The following IPO9 variants were observed in gnomAD, a reference collection of about 807,000 sequenced individuals.
The protein encoded by IPO9 is importin-9.
In IPO9, 28 loss-of-function variants were observed where a neutral mutation model predicts 128.6. The ratio of observed to expected loss-of-function variants is 0.22; its 90% confidence interval spans 0.16 to 0.30. IPO9 has a LOEUF of 0.30. Ranked by LOEUF, IPO9 falls within the 10% of genes least tolerant of loss-of-function variation. The pLI is 1.00. For missense variants in IPO9, 935 were observed against 1,293.9 expected, an observed-to-expected ratio of 0.72 and a Z score of 4.26; for synonymous variants, 455 against 475.8, an observed-to-expected ratio of 0.96 and a Z score of 0.57.
At chr1:201,830,892 C>G (rs935143492) in intron 1 of IPO9, among the ~76,000 whole-genome samples, 2 of 152,214 alleles carry the variant, frequency 1.3e-5, no homozygotes, top group Admixed American at 6.5e-5. Flanking sequence ...CTTACAACAA[C>G]TCCACTTTTG....
intron 14 of IPO9, 88 bp downstream of exon 14, chr1:201,863,695 T>A: frequency 8.1e-7 from 1 of 1,230,524 alleles, no homozygotes; most frequent in East Asian, 2.4e-5. Context: ...ATTATGTTGC[T>A]TGGAAATCCC....
At chr1:201,835,755 C>T (rs1270992691) in intron 1 of IPO9, among the ~76,000 whole-genome samples, 1 of 152,158 alleles carries the variant, frequency 6.6e-6, no homozygotes, top group Non-Finnish European at 1.5e-5. Flanking sequence ...ATTTTCCCTG[C>T]CTTCATCATC....
chr1:201,869,674 G>A lies in IPO9; in HGVS notation c.2089G>A (p.Val697Met). Residue 697 changes from valine to methionine, a missense_variant, in exon 17 of 24, where the codon GTG (valine) becomes ATG (methionine). Around this residue, in one of 3 missense-constraint regions of IPO9, gnomAD observed 741 missense variants for 1,019.1 expected, o/e 0.73. Transcript: ENST00000361565. ...QLLICQAFPA[V>M]AQCTLHTDDN... is the part of the protein sequence containing the mutation. Reference sequence around the variant, plus strand: ...TCTCATCTGCCAAGCTTTCCCTGCTGTGGCACAGTGTACCCTTCACACAGA... The same window carrying A: ...TCTCATCTGCCAAGCTTTCCCTGCTATGGCACAGTGTACCCTTCACACAGA... 1 of 1,614,184 alleles carries A rather than the reference G, an allele frequency of 6.2e-7. No homozygotes were observed. Among genetic ancestry groups the A allele is most frequent in the Non-Finnish European group, 8.5e-7 (1 of 1,180,022 alleles).
At chr1:201,858,667 CA>C in intron 12 of IPO9, 114 bp downstream of exon 12, 1 of 823,428 alleles carries the variant, frequency 1.2e-6, no homozygotes, top group East Asian at 2.8e-5. Flanking sequence ...AATTTAATAA[CA>C]GATTTTAATC....
intron 1 of IPO9, among the ~76,000 whole-genome samples, chr1:201,843,445 AG>A (rs2102872107): frequency 6.6e-6 from 1 of 152,364 alleles, no homozygotes; most frequent in Admixed American, 6.5e-5. Context: ...GACAGAAAGA[AG>A]TATCTTGTAA....
chr1:201,829,165 G>A lies in IPO9; in HGVS notation c.-45G>A. The stretch of plus-strand genomic sequence containing the variant: ...GGCCGCGCGCGGGGGCCGTCATTCG[G>A]TGGCGGGTCCCGGCCGCGGGGCTGG... On this transcript the variant is annotated 5_prime_UTR_variant, in exon 1 of 24. It adds an upstream start codon to the 5' untranslated region. Transcript: ENST00000361565. 3 of 1,423,254 alleles carry A rather than the reference G, an allele frequency of 2.1e-6. No homozygotes were observed. The highest frequency in any genetic ancestry group is 1.5e-5 in the African/African-American group (1 of 67,000). The allele number at this position is 1,423,254 out of a possible 1,614,324, so 88.2% of individuals were successfully genotyped here. A position where few individuals can be genotyped will look rare whatever the true frequency, so the allele number is the denominator to read the frequency against.
In IPO9 at chr1:201,881,374, G is replaced by A. The variant is rs1174589135; in HGVS notation, c.*5320G>A. 1 of 152,242 alleles carries A rather than the reference G, an allele frequency of 6.6e-6. No individual in the cohort carries two copies. The highest frequency in any genetic ancestry group is 1.5e-5 in the Non-Finnish European group (1 of 68,046). The allele number at this position is 152,242 out of a possible 1,614,324, so 9.4% of individuals were successfully genotyped here. On this transcript the variant is annotated 3_prime_UTR_variant, in exon 24 of 24. Coordinates refer to ENST00000361565, the MANE Select transcript of IPO9 (RefSeq NM_018085.5). Reference sequence around the variant, plus strand: ...ACCTATCAAAGGTCACCCTGCAAGTGTGTGATTATAGTCCAAGCAGCTTGT... The same window carrying A: ...ACCTATCAAAGGTCACCCTGCAAGTATGTGATTATAGTCCAAGCAGCTTGT...
rs778521485 is a variant in IPO9, at chr1:201,875,212, A to G, written c.2999A>G (p.Tyr1000Cys). ...DDPDALKDPL[Y>C]QIDLQAYLTD... is the part of the protein sequence containing the mutation. ...CCTGATGCCCTGAAGGATCCTCTCT[A>G]TCAGATTGATCTGCAGGTGAGGGTG... The change falls in exon 23 of 24, where the codon TAT (tyrosine) becomes TGT (cysteine). Residue 1000 changes from tyrosine to cysteine, a missense_variant. This residue lies in a region of IPO9 where 188 missense variants were observed against 246.7 expected (regional missense o/e 0.76). Coordinates refer to ENST00000361565, the MANE Select transcript of IPO9 (RefSeq NM_018085.5). The G allele has an allele frequency of 1.2e-6, 2 of 1,613,838 alleles. No individual in the cohort carries two copies. Among genetic ancestry groups the G allele is most frequent in the South Asian group, 1.1e-5 (1 of 91,082 alleles).
Position 201,878,210 on chromosome 1 carries a change from T to A in IPO9, c.*2156T>A, listed in dbSNP as rs988531162. On this transcript the variant is annotated 3_prime_UTR_variant, in exon 24 of 24. Transcript: ENST00000361565. ...GGAGTTGCTGATACTGGGGAAATGA[T>A]GGCAGATCTGACCAAGTGGTGCTGA... 1 of 152,318 alleles carries A rather than the reference T, an allele frequency of 6.6e-6. No individual in the cohort carries two copies. Among genetic ancestry groups the A allele is most frequent in the Non-Finnish European group, 1.5e-5 (1 of 68,118 alleles). 9.4% of individuals were successfully genotyped at this position (152,318 alleles called of 1,614,324 possible).
chr1:201,873,022 G>GTGAA (rs1262773843), intron 20 of IPO9, 61 bp downstream of exon 20: 35 of 1,524,492 alleles, frequency 2.3e-5, no homozygotes, highest in Non-Finnish European at 3.0e-5. Context: ...GGATACCTGG[G>GTGAA]TGAAGGGAAG....
intron 6 of IPO9, among the ~76,000 whole-genome samples, chr1:201,853,444 G>A (rs939613891): frequency 6.6e-6 from 1 of 152,108 alleles, no homozygotes. Flanking sequence ...TATTGCCCAG[G>A]CTGGTCTTGA....
At chr1:201,829,662 G>A (rs1679793369) in intron 1 of IPO9, 2 of 298,746 alleles carry the variant, frequency 6.7e-6, no homozygotes, top group South Asian at 1.4e-4. Context: ...GATGGAGCTA[G>A]ACTTGGTGCT....
intron 1 of IPO9, among the ~76,000 whole-genome samples, chr1:201,846,453 A>C (rs946848457): frequency 6.6e-6 from 1 of 152,182 alleles, no homozygotes; most frequent in Non-Finnish European, 1.5e-5. Context: ...GCTCACTGCA[A>C]CCTCTGCCTC....
chr1:201,847,705 A>G (rs1341949684), intron 3 of IPO9, 67 bp downstream of exon 3: 1 of 1,122,868 alleles, frequency 8.9e-7, no homozygotes, highest in Non-Finnish European at 1.4e-6. Flanking sequence ...ATTAGACTAT[A>G]ACATTCTTTG....
chr1:201,863,669 C>G, intron 14 of IPO9, 62 bp downstream of exon 14: 1 of 1,415,250 alleles, frequency 7.1e-7, no homozygotes, highest in Admixed American at 1.8e-5. Context: ...TATAACAAAT[C>G]ACAGTTTTCC....
At position 201,858,866 on chromosome 1, in the gene IPO9, A is replaced by C; in HGVS notation, c.1340A>C (p.His447Pro). ...NSGTEHWWKI[H>P]EACMLALGSV... ...GTATCCTTTCACAGGTGGAAGATCC[A>C]TGAGGCATGCATGCTTGCCCTAGGC... The change falls in exon 13 of 24, where the codon CAT becomes CCT. Residue 447 changes from histidine to proline, a missense_variant. Physicochemically the swap from His to Pro is moderately conservative, Grantham distance 77. Transcript: ENST00000361565. 5.0e-6 allele frequency: 8 copies of C among 1,603,422 alleles called. No individual in the cohort carries two copies. Among genetic ancestry groups the C allele is most frequent in the Non-Finnish European group, 6.8e-6 (8 of 1,171,284 alleles).
At chr1:201,845,567 CAT>C (rs965340324) in intron 1 of IPO9, among the ~76,000 whole-genome samples, 41 of 152,228 alleles carry the variant, frequency 2.7e-4, no homozygotes, top group African/African-American at 3.9e-4. Context: ...TAGTATGAGT[CAT>C]GTGTGAAATT....
intron 1 of IPO9, among the ~76,000 whole-genome samples, chr1:201,846,167 A>G (rs558983089): frequency 6.6e-6 from 1 of 152,328 alleles, no homozygotes; most frequent in East Asian, 1.9e-4. Flanking sequence ...TGGAAGTAAG[A>G]GTTACTTACA....
At chr1:201,848,630 G>A (rs757660954) in intron 4 of IPO9, 36 bp downstream of exon 4, 18 of 1,599,766 alleles carry the variant, frequency 1.1e-5, no homozygotes, top group Non-Finnish European at 1.4e-5. Context: ...TTGGTACTTG[G>A]ATCTCAAGCG....
Sources: allele counts gnomAD v4.1 joint callset (sites outside exome capture counted in the v4.1 genomes callset), GRCh38; gene constraint gnomAD v4.1.1; regional missense constraint gnomAD v4.1.1; transcripts MANE v1.5; gene names NCBI Gene and HGNC (gene_info 2026-07-23, HGNC 2026-07-21).